BCO1: variants seen among roughly 807,000 people sequenced by gnomAD.
BCO1 encodes beta-carotene oxygenase 1.
BCO1 carries 54 observed loss-of-function variants against 56.3 expected under a neutral mutation model. The ratio of observed to expected loss-of-function variants is 0.96; its 90% CI spans 0.77 to 1.20. BCO1 has a LOEUF of 1.20. Among genes scored for constraint, BCO1 ranks in the 50% most tolerant of loss-of-function variants. The pLI is 0.00. For missense variants in BCO1, 801 were observed against 690.9 expected, an observed-to-expected ratio of 1.16 and a Z score of -1.79; for synonymous variants, 318 against 266.1, an observed-to-expected ratio of 1.20 and a Z score of -1.90.
chr16:81,284,214 CTATATA>C (rs376348062), intron 8 of BCO1, among the ~76,000 whole-genome samples: 16 of 137,502 alleles, frequency 1.2e-4, no homozygotes, highest in South Asian at 4.7e-4. Flanking sequence ...AACAAACAAA[CTATATA>C]TATATATATT....
At chr16:81,282,673 C>CTT (rs772983780) in intron 8 of BCO1, among the ~76,000 whole-genome samples, 1 of 146,196 alleles carries the variant, frequency 6.8e-6, no homozygotes. Context: ...CACCACATCC[C>CTT]TTTTTTTTTT....
chr16:81,273,331 C>G (rs1467389445), intron 7 of BCO1, among the ~76,000 whole-genome samples: 1 of 152,092 alleles, frequency 6.6e-6, no homozygotes, highest in Non-Finnish European at 1.5e-5. Flanking sequence ...TGCTATTCTC[C>G]CCAGTAGCCC....
intron 4 of BCO1, chr16:81,263,147 G>T (rs1481964310): frequency 3.9e-5 from 5 of 126,952 alleles, no homozygotes; most frequent in Non-Finnish European, 6.3e-5. Context: ...GTCTTGCTCT[G>T]TCGCCCAGAC....
rs146636149 is a variant in BCO1, at chr16:81,262,526, T to G, written c.471+243T>G. The G allele has an allele frequency of 3.8e-4, 187 of 496,078 alleles. 1 individual carries two copies. In the East Asian group the frequency reaches 5.9e-3, roughly 16 times the overall value. 30.7% of individuals were successfully genotyped at this position (496,078 alleles called of 1,614,324 possible). A position where few individuals can be genotyped will look rare whatever the true frequency, so the allele number is the denominator to read the frequency against. ...TGTAACCAAGTCCTACAAAAAAGATTGCTTTAAACAACAGAAATTGGCTGG... is the reference window on the plus strand; with the variant it reads ...TGTAACCAAGTCCTACAAAAAAGATGGCTTTAAACAACAGAAATTGGCTGG... On this transcript the variant is annotated intron_variant, in intron 4 of 10. Transcript: ENST00000258168.
rs1468407415 is a variant in BCO1 at position 81,272,158 on chromosome 16, G to A, written c.1101+1742G>A. ...AGAAGGAGTCTCGCTCTGTGGCCCA[G>A]GCTGGAGTGCAGTGGCGCAGTCTCA... On this transcript the variant is annotated intron_variant, in intron 7 of 10. Coordinates refer to ENST00000258168, the MANE Select transcript of BCO1 (RefSeq NM_017429.3). Among the ~76,000 whole-genome samples the A allele has an allele frequency of 3.4e-5, 5 of 145,332 alleles. No individual in the cohort carries two copies. In the East Asian group the frequency reaches 1.0e-3, roughly 29 times the overall value.
chr16:81,253,070 C>T (rs867928511), intron 2 of BCO1, among the ~76,000 whole-genome samples: 2 of 152,126 alleles, frequency 1.3e-5, no homozygotes, highest in African/African-American at 4.8e-5. Flanking sequence ...GATCGCACTA[C>T]TGCACTCCAG....
At chr16:81,282,374 C>T (rs1907930286) in intron 8 of BCO1, among the ~76,000 whole-genome samples, 1 of 152,010 alleles carries the variant, frequency 6.6e-6, no homozygotes, top group African/African-American at 2.4e-5. Context: ...GAGACTTTGC[C>T]TCAAAACAAA....
chr16:81,249,691 G>A (rs760191791), intron 2 of BCO1, among the ~76,000 whole-genome samples: 62 of 152,166 alleles, frequency 4.1e-4, no homozygotes, highest in Admixed American at 1.8e-3. Flanking sequence ...GTGAGCCACC[G>A]CGCCCGGCCG....
chr16:81,268,017 G>C lies in BCO1; in HGVS notation c.729G>C (p.Glu243Asp), dbSNP rs1459373189. Reference protein sequence around the residue: ...PSYYHSFGVTENYVIFLEQPF... With the variant: ...PSYYHSFGVTDNYVIFLEQPF... ...ACTACCACAGCTTTGGAGTCACCGA[G>C]AACTATGTCATCTTCCTTGAGCAGC... Residue 243 changes from glutamate (E) to aspartate (D), a missense_variant, in exon 6 of 11, where the codon GAG becomes GAC. By Grantham distance (45) the Glu-to-Asp change is conservative. Transcript: ENST00000258168. 26 of 1,613,712 alleles carry C rather than the reference G, an allele frequency of 1.6e-5. No individual in the cohort carries two copies. Among genetic ancestry groups the C allele is most frequent in the Non-Finnish European group, 2.0e-5 (24 of 1,180,028 alleles).
chr16:81,280,204 G>A (rs906930008), intron 7 of BCO1, among the ~76,000 whole-genome samples: 1 of 139,404 alleles, frequency 7.2e-6, no homozygotes, highest in Non-Finnish European at 1.5e-5. Flanking sequence ...CAGAGGTTGC[G>A]GTAAGCCAAG....
intron 7 of BCO1, among the ~76,000 whole-genome samples, chr16:81,271,952 G>T (rs1907243311): frequency 6.6e-6 from 1 of 151,904 alleles, no homozygotes; most frequent in African/African-American, 2.4e-5. Context: ...TCGCCATGTT[G>T]CCCAGGCCGG....
chr16:81,275,509 A>G (rs965569218), intron 7 of BCO1, among the ~76,000 whole-genome samples: 1 of 152,076 alleles, frequency 6.6e-6, no homozygotes, highest in Non-Finnish European at 1.5e-5. Flanking sequence ...ATTTATCTCA[A>G]GTGTAAGTAA....
At chr16:81,255,020 C>T (rs976350540) in intron 2 of BCO1, among the ~76,000 whole-genome samples, 7 of 152,118 alleles carry the variant, frequency 4.6e-5, no homozygotes, top group Admixed American at 3.9e-4. Flanking sequence ...TGGGCTCAAG[C>T]GATCCTCCCC....
At chr16:81,262,476 G>C in intron 4 of BCO1, 193 bp downstream of exon 4, 1 of 634,210 alleles carries the variant, frequency 1.6e-6, no homozygotes, top group South Asian at 1.7e-5. Flanking sequence ...TTATCTTCGT[G>C]TCTGTATCAG....
At chr16:81,257,012 G>A (rs902538751) in intron 2 of BCO1, among the ~76,000 whole-genome samples, 8 of 151,908 alleles carry the variant, frequency 5.3e-5, no homozygotes, top group African/African-American at 1.9e-4. Flanking sequence ...CGAACTCAAC[G>A]CCTGCAAGAA....
rs376192346 is a variant in BCO1 at position 81,290,622 on chromosome 16, C to A, written c.*45C>A. 1 of 1,470,596 alleles carries A rather than the reference C, an allele frequency of 6.8e-7. No homozygotes were observed. 91.1% of individuals were successfully genotyped at this position (1,470,596 alleles called of 1,614,324 possible). ...GGGGAGGGGAGCTCGGCTGTCAGAA[C>A]TCCATGGATATGTTTCTTTGGATGG... is the stretch of plus-strand genomic sequence containing the variant. On this transcript the variant is annotated 3_prime_UTR_variant, in exon 11 of 11. Coordinates refer to ENST00000258168, the MANE Select transcript of BCO1 (RefSeq NM_017429.3).
intron 2 of BCO1, among the ~76,000 whole-genome samples, chr16:81,247,609 C>G (rs1905501929): frequency 6.6e-6 from 1 of 152,116 alleles, no homozygotes. Context: ...TCACCACAGC[C>G]TCCACTTCCT....
intron 2 of BCO1, among the ~76,000 whole-genome samples, chr16:81,246,366 A>AT (rs1441133458): frequency 6.6e-6 from 1 of 152,208 alleles, no homozygotes; most frequent in South Asian, 2.1e-4. Flanking sequence ...GGTTCTAGGG[A>AT]TTTGGATGTG....
rs186552333 is a variant in BCO1 at position 81,253,090 on chromosome 16, C to T, written c.194-6586C>T. ...CACTACTGCACTCCAGCCTGGGTGA[C>T]GGAGCAAGATGTTGTCTCAAATATA... is the stretch of plus-strand genomic sequence containing the variant. On this transcript the variant is annotated intron_variant, in intron 2 of 10. Transcript: ENST00000258168. Among the ~76,000 whole-genome samples the T allele has an allele frequency of 1.0e-3, 156 of 152,156 alleles. 1 individual carries two copies. Among genetic ancestry groups the T allele is most frequent in the African/African-American group, 3.3e-3 (138 of 41,526 alleles).
Sources: allele counts gnomAD v4.1 joint callset (sites outside exome capture counted in the v4.1 genomes callset), GRCh38; gene constraint gnomAD v4.1.1; transcripts MANE v1.5; gene names NCBI Gene and HGNC (gene_info 2026-07-23, HGNC 2026-07-21).